The following OLA1 variants were observed in gnomAD, a reference collection of about 807,000 sequenced individuals.
OLA1 encodes the protein obg-like ATPase 1.
Under a neutral mutation model 48.4 loss-of-function variants are expected in OLA1, and 14 were observed. The observed-to-expected ratio is 0.29, with a 90% CI of 0.19 to 0.45. OLA1 has a LOEUF of 0.45. Ranked by LOEUF, OLA1 falls within the 20% of genes least tolerant of loss-of-function variation. The probability of loss-of-function intolerance (pLI) is 1.00; values close to 1 mark genes in which losing one functional copy is unlikely to be tolerated. For missense variants in OLA1, 325 were observed against 467.1 expected, an observed-to-expected ratio of 0.70 and a Z score of 2.80; for synonymous variants, 127 against 150.4, an observed-to-expected ratio of 0.84 and a Z score of 1.14.
intron 7 of OLA1, among the ~76,000 whole-genome samples, chr2:174,082,660 G>A (rs1038105893): frequency 6.6e-6 from 1 of 152,108 alleles, no homozygotes; most frequent in African/African-American, 2.4e-5. Flanking sequence ...GTACGCAGCT[G>A]TATGAACCTG....
intron 7 of OLA1, among the ~76,000 whole-genome samples, chr2:174,111,364 T>C (rs920510177): frequency 6.6e-6 from 1 of 152,190 alleles, no homozygotes; most frequent in African/African-American, 2.4e-5. Flanking sequence ...CTTTCTCTCA[T>C]GAATTTGAGC....
chr2:174,221,065 G>A lies in OLA1; in HGVS notation c.373+1968C>T, dbSNP rs374459307. Among the ~76,000 whole-genome samples, 129 of 152,072 alleles carry A rather than the reference G, an allele frequency of 8.5e-4. No homozygotes were observed. In the Middle Eastern group the frequency reaches 0.01, roughly 12 times the overall value. On this transcript the variant is annotated intron_variant, in intron 4 of 10. Transcript: ENST00000284719. Reference sequence around the variant, plus strand: ...TCTGATTATAAATGTATCATTCAGTGCTTTATGTACTATACAATGATATAT... The same window carrying A: ...TCTGATTATAAATGTATCATTCAGTACTTTATGTACTATACAATGATATAT...
intron 7 of OLA1, among the ~76,000 whole-genome samples, chr2:174,092,191 G>T (rs1450709862): frequency 2.6e-5 from 4 of 151,654 alleles, no homozygotes; most frequent in Non-Finnish European, 4.4e-5. Context: ...AGAGAGGAGG[G>T]GAGGGGTTAT....
chr2:174,101,180 C>T (rs773055744), intron 7 of OLA1, among the ~76,000 whole-genome samples: 1 of 152,198 alleles, frequency 6.6e-6, no homozygotes, highest in Non-Finnish European at 1.5e-5. Context: ...CTTATCCACA[C>T]TTGGTGGTGT....
intron 4 of OLA1, among the ~76,000 whole-genome samples, chr2:174,144,619 G>C (rs745924154): frequency 3.9e-4 from 59 of 151,284 alleles, no homozygotes; most frequent in Non-Finnish European, 2.1e-4. Flanking sequence ...CATTTTTTTT[G>C]CATCTTGCCT....
chr2:174,192,076 A>AT (rs1346543452), intron 4 of OLA1, among the ~76,000 whole-genome samples: 1 of 152,060 alleles, frequency 6.6e-6, no homozygotes, highest in African/African-American at 2.4e-5. Context: ...TGTGCTAAGG[A>AT]TTTTTTTATA....
intron 2 of OLA1, among the ~76,000 whole-genome samples, chr2:174,236,714 T>C (rs1688859201): frequency 6.6e-6 from 1 of 152,234 alleles, no homozygotes; most frequent in Admixed American, 6.5e-5. Context: ...AGCCTATTGC[T>C]TCTAGGCTAA....
At chr2:174,086,195 C>T (rs1684973014) in intron 7 of OLA1, among the ~76,000 whole-genome samples, 2 of 152,128 alleles carry the variant, frequency 1.3e-5, no homozygotes, top group Admixed American at 1.3e-4. Context: ...ACAGTGCAGT[C>T]TCAGTTTCTA....
chr2:174,126,937 T>C (rs1367801739), intron 5 of OLA1, among the ~76,000 whole-genome samples: 1 of 152,212 alleles, frequency 6.6e-6, no homozygotes. Flanking sequence ...AAATCTCAAG[T>C]CAGGCTTCTA....
chr2:174,219,212 G>A (rs535009671), intron 4 of OLA1, among the ~76,000 whole-genome samples: 2 of 151,278 alleles, frequency 1.3e-5, no homozygotes, highest in South Asian at 4.2e-4. Flanking sequence ...GCAGGCCAAG[G>A]CGGAGGACTG....
intron 4 of OLA1, among the ~76,000 whole-genome samples, chr2:174,195,455 G>A (rs1389747077): frequency 6.6e-6 from 1 of 152,126 alleles, no homozygotes; most frequent in Non-Finnish European, 1.5e-5. Context: ...GGCCTTCTCA[G>A]GCAGATGTTC....
At chr2:174,187,358 A>T (rs1474403517) in intron 4 of OLA1, among the ~76,000 whole-genome samples, 2 of 152,216 alleles carry the variant, frequency 1.3e-5, no homozygotes, top group Non-Finnish European at 2.9e-5. Context: ...TAAGGATGCC[A>T]ACAACAGAAT....
intron 4 of OLA1, among the ~76,000 whole-genome samples, chr2:174,142,319 T>C (rs1273480807): frequency 1.3e-5 from 2 of 152,184 alleles, no homozygotes; most frequent in East Asian, 1.9e-4. Flanking sequence ...ATTCCAGGCA[T>C]GAAAGATTGA....
chr2:174,215,164 T>C (rs1688335646), intron 4 of OLA1, among the ~76,000 whole-genome samples: 1 of 152,022 alleles, frequency 6.6e-6, no homozygotes, highest in African/African-American at 2.4e-5. Context: ...AAAAGATCCA[T>C]AAAAGAATGT....
chr2:174,158,291 T>G (rs940580682), intron 4 of OLA1, among the ~76,000 whole-genome samples: 12 of 152,162 alleles, frequency 7.9e-5, no homozygotes, highest in African/African-American at 1.9e-4. Flanking sequence ...TCCTGTCATT[T>G]CATTCACCTA....
At chr2:174,151,524 G>A (rs1686745545) in intron 4 of OLA1, among the ~76,000 whole-genome samples, 1 of 151,904 alleles carries the variant, frequency 6.6e-6, no homozygotes, top group Non-Finnish European at 1.5e-5. Context: ...AGAGGTTAGG[G>A]GCCAGATTCC....
intron 4 of OLA1, among the ~76,000 whole-genome samples, chr2:174,179,342 T>C (rs1687483105): frequency 6.6e-6 from 1 of 151,932 alleles, no homozygotes; most frequent in African/African-American, 2.4e-5. Flanking sequence ...TATGCATGAG[T>C]ACTCAGTATA....
chr2:174,239,124 GA>G (rs1318245011), intron 2 of OLA1, among the ~76,000 whole-genome samples: 1 of 152,120 alleles, frequency 6.6e-6, no homozygotes, highest in Non-Finnish European at 1.5e-5. Flanking sequence ...AAATGTAGAA[GA>G]AATAAGGGAT....
chr2:174,224,384 G>C (rs1688571520), intron 3 of OLA1, among the ~76,000 whole-genome samples: 1 of 152,160 alleles, frequency 6.6e-6, no homozygotes, highest in Admixed American at 6.5e-5. Flanking sequence ...CTAGAAGTGG[G>C]GCATGTAGCT....
Sources: allele counts gnomAD v4.1 joint callset (sites outside exome capture counted in the v4.1 genomes callset), GRCh38; gene constraint gnomAD v4.1.1; transcripts MANE v1.5; gene names NCBI Gene and HGNC (gene_info 2026-07-23, HGNC 2026-07-21).